FSTL5: variants seen among roughly 807,000 people sequenced by gnomAD.
The protein encoded by FSTL5 is follistatin like 5.
In FSTL5, 62 loss-of-function variants were observed where a neutral mutation model predicts 89.1. The ratio of observed to expected loss-of-function variants is 0.70; its 90% confidence interval spans 0.57 to 0.86. FSTL5 has a LOEUF of 0.86. FSTL5 is among the 40% of genes least tolerant of loss of function. FSTL5 has a pLI of 0.00. For synonymous variants in FSTL5, 383 were observed against 346.2 expected, an observed-to-expected ratio of 1.11 and a Z score of -1.18; for missense variants, 1,057 against 1,001.6, an observed-to-expected ratio of 1.06 and a Z score of -0.75.
chr4:161,656,522 G>C, intron 6 of FSTL5, 28 bp from the exon 7 acceptor site: 1 of 1,436,694 alleles, frequency 7.0e-7, no homozygotes, highest in South Asian at 1.6e-5. Flanking sequence ...CAGTAATGTT[G>C]ATGAGCATTT....
chr4:161,472,267 G>A (rs12640636), intron 13 of FSTL5, among the ~76,000 whole-genome samples: 74 of 152,220 alleles, frequency 4.9e-4, no homozygotes, highest in East Asian at 2.1e-3. Context: ...GTGAGCCACC[G>A]CACCTGGCCA....
intron 15 of FSTL5, among the ~76,000 whole-genome samples, chr4:161,396,765 A>C (rs1362878691): frequency 6.6e-6 from 1 of 152,026 alleles, no homozygotes; most frequent in East Asian, 1.9e-4. Context: ...ACAAGCCCAA[A>C]AGCTATACCC....
intron 3 of FSTL5, among the ~76,000 whole-genome samples, chr4:161,932,404 T>C (rs1397136359): frequency 1.3e-5 from 2 of 151,888 alleles, no homozygotes; most frequent in Non-Finnish European, 2.9e-5. Flanking sequence ...TTGATACTTA[T>C]CTGCCTTCCT....
chr4:161,656,570 T>C lies in FSTL5; in HGVS notation c.728-76A>G, dbSNP rs536193825. 3.0e-5 allele frequency: 26 copies of C among 857,244 alleles called. No homozygotes were observed. The East Asian group carries it at 7.8e-4, about 26-fold the overall frequency. The allele number at this position is 857,244 out of a possible 1,614,324, so 53.1% of individuals were successfully genotyped here. A position where few individuals can be genotyped will look rare whatever the true frequency, so the allele number is the denominator to read the frequency against. ...CTAATAGTATAAAATTTCTGAATACTAGTAATTAAGGCTTTTAATTTGAAT... is the reference window on the plus strand; with the variant it reads ...CTAATAGTATAAAATTTCTGAATACCAGTAATTAAGGCTTTTAATTTGAAT... On this transcript the variant is annotated intron_variant, in intron 6 of 15. Coordinates refer to ENST00000306100, the MANE Select transcript of FSTL5 (RefSeq NM_020116.5).
At chr4:161,567,562 C>T (rs10857337) in intron 8 of FSTL5, among the ~76,000 whole-genome samples, 7,191 of 152,182 alleles carry the variant, frequency 0.047, 253 homozygotes, top group East Asian at 0.15. Context: ...ATATATCACT[C>T]CTAGTCCAGT....
chr4:161,866,230 C>T (rs544784236), intron 4 of FSTL5, among the ~76,000 whole-genome samples: 2 of 152,220 alleles, frequency 1.3e-5, no homozygotes, highest in Admixed American at 6.5e-5. Context: ...TGGAACTTTA[C>T]CAGAAATATT....
chr4:161,484,210 A>G (rs1729605648), intron 12 of FSTL5, among the ~76,000 whole-genome samples: 1 of 152,070 alleles, frequency 6.6e-6, no homozygotes, highest in South Asian at 2.1e-4. Context: ...CTTTGCCCTA[A>G]AATCTTTAAA....
chr4:161,470,372 C>T (rs951209352), intron 13 of FSTL5, among the ~76,000 whole-genome samples: 4 of 147,136 alleles, frequency 2.7e-5, no homozygotes, highest in African/African-American at 5.1e-5. Context: ...ACTGAATGGT[C>T]TTGGCACCCT....
intron 3 of FSTL5, among the ~76,000 whole-genome samples, chr4:161,992,922 A>G (rs1405038576): frequency 3.5e-4 from 4 of 11,296 alleles, no homozygotes; most frequent in Admixed American, 1.5e-3. Flanking sequence ...ATATATATAT[A>G]TATGTGTGTA....
chr4:161,930,981 A>G (rs1734270214), intron 3 of FSTL5, among the ~76,000 whole-genome samples: 1 of 151,954 alleles, frequency 6.6e-6, no homozygotes, highest in East Asian at 1.9e-4. Flanking sequence ...CTATGATAAA[A>G]GAAGGGAACT....
intron 4 of FSTL5, among the ~76,000 whole-genome samples, chr4:161,845,595 T>A (rs1474911330): frequency 1.3e-5 from 2 of 152,248 alleles, no homozygotes; most frequent in Non-Finnish European, 2.9e-5. Context: ...AATACAAATG[T>A]AATTACAAAG....
At chr4:161,424,024 C>CTTTTTTTTTTTTT (rs11287729) in intron 15 of FSTL5, among the ~76,000 whole-genome samples, 1 of 75,378 alleles carries the variant, frequency 1.3e-5, no homozygotes, top group African/African-American at 5.6e-5. Flanking sequence ...GCCCATCATT[C>CTTTTTTTTTTTTT]TTTTTTTTTT....
chr4:162,074,852 A>G (rs1171333927), intron 2 of FSTL5, among the ~76,000 whole-genome samples: 1 of 151,736 alleles, frequency 6.6e-6, no homozygotes, highest in African/African-American at 2.4e-5. Context: ...TTAGCCTACT[A>G]AACATCATAC....
chr4:161,417,376 T>C (rs1731826410), intron 15 of FSTL5, among the ~76,000 whole-genome samples: 1 of 152,240 alleles, frequency 6.6e-6, no homozygotes, highest in Admixed American at 6.5e-5. Flanking sequence ...ATAAAATGAT[T>C]TGTATGTATT....
At chr4:161,541,838 T>G (rs1185746120) in intron 9 of FSTL5, among the ~76,000 whole-genome samples, 1 of 151,964 alleles carries the variant, frequency 6.6e-6, no homozygotes, top group Admixed American at 6.6e-5. Flanking sequence ...GTTTGTGGTT[T>G]ATTTTTAATG....
intron 1 of FSTL5, among the ~76,000 whole-genome samples, chr4:162,129,331 T>C (rs1286743833): frequency 6.6e-6 from 1 of 152,346 alleles, no homozygotes; most frequent in Middle Eastern, 3.4e-3. Flanking sequence ...GATAACCTAC[T>C]GCATATCATT....
At chr4:162,061,142 A>G (rs1289725859) in intron 2 of FSTL5, among the ~76,000 whole-genome samples, 3 of 152,016 alleles carry the variant, frequency 2.0e-5, no homozygotes, top group African/African-American at 7.2e-5. Flanking sequence ...GTGCCCCCCA[A>G]AAGAGATGAG....
intron 2 of FSTL5, among the ~76,000 whole-genome samples, chr4:162,106,048 T>A (rs752760026): frequency 4.6e-5 from 7 of 152,138 alleles, no homozygotes; most frequent in Non-Finnish European, 8.8e-5. Flanking sequence ...CTCTTTAATA[T>A]CGAAAGTTAA....
rs147171141 is a variant in FSTL5 at position 161,678,890 on chromosome 4, C to T, written c.728-22396G>A. On this transcript the variant is annotated intron_variant, in intron 6 of 15. Transcript: ENST00000306100. ...CTAGCACATGAAGGGGTATTAATGTCTTTTTATCTATATACGTAGGGTCCA... is the reference window on the plus strand; with the variant it reads ...CTAGCACATGAAGGGGTATTAATGTTTTTTTATCTATATACGTAGGGTCCA... Among the ~76,000 whole-genome samples, 715 of 151,740 alleles carry T rather than the reference C, an allele frequency of 4.7e-3. 10 individuals carry two copies. Among genetic ancestry groups the T allele is most frequent in the African/African-American group, 0.016 (681 of 41,494 alleles).
Sources: allele counts gnomAD v4.1 joint callset (sites outside exome capture counted in the v4.1 genomes callset), GRCh38; gene constraint gnomAD v4.1.1; transcripts MANE v1.5; gene names NCBI Gene and HGNC (gene_info 2026-07-23, HGNC 2026-07-21).